Variants in DNTTIP1 observed in about 807,000 individuals in gnomAD.
The protein encoded by DNTTIP1 is deoxynucleotidyltransferase terminal interacting protein 1, also known as deoxynucleotidyltransferase terminal-interacting protein 1.
A neutral mutation model predicts 52.9 loss-of-function variants in DNTTIP1; 22 were observed. The ratio of observed to expected loss-of-function variants is 0.42; its 90% CI spans 0.30 to 0.59. DNTTIP1 has a LOEUF of 0.59. DNTTIP1 is among the 20% of genes least tolerant of loss of function. The pLI is 0.22. For synonymous variants in DNTTIP1, 136 were observed against 155.1 expected, an observed-to-expected ratio of 0.88 and a Z score of 0.92; for missense variants, 286 against 435.5, an observed-to-expected ratio of 0.66 and a Z score of 3.06.
chr20:45,801,858 G>C (rs2145702392), intron 6 of DNTTIP1, 141 bp from the exon 7 acceptor site: 1 of 868,486 alleles, frequency 1.2e-6, no homozygotes, highest in South Asian at 1.4e-5. Flanking sequence ...CTAGACATGA[G>C]AGGCAGTTTT....
At chr20:45,793,288 C>T (rs1488144187) in intron 2 of DNTTIP1, among the ~76,000 whole-genome samples, 3 of 152,040 alleles carry the variant, frequency 2.0e-5, no homozygotes, top group East Asian at 1.9e-4. Flanking sequence ...TTGGGCCGGG[C>T]GCGGTGGCTC....
At position 45,809,674 on chromosome 20, in the gene DNTTIP1, TC is replaced by T. The variant is rs1361542898; in HGVS notation, c.795+490del. Among the ~76,000 whole-genome samples, 1 of 152,240 alleles carries T rather than the reference TC, an allele frequency of 6.6e-6. No homozygotes were observed. The highest frequency in any genetic ancestry group is 1.5e-5 in the Non-Finnish European group (1 of 68,052). On this transcript the variant is annotated intron_variant, in intron 11 of 12. Coordinates refer to ENST00000372622, the MANE Select transcript of DNTTIP1 (RefSeq NM_052951.3). This position sits in a 1 kb window ranked among gnomAD's most constrained non-coding sequence, Gnocchi z 4.2. ...TACCTCTACTTGAAGAGTTCTCAGA[TC>T]ATATGAAACAGCAACCTTAGGAAAA... is the stretch of plus-strand genomic sequence containing the variant.
intron 10 of DNTTIP1, 108 bp downstream of exon 10, chr20:45,805,474 C>T (rs1164832889): frequency 4.8e-6 from 6 of 1,256,458 alleles, no homozygotes; most frequent in Non-Finnish European, 6.6e-6. Context: ...GTCAGGACAT[C>T]TGGGTTCTAG....
chr20:45,801,699 G>A (rs1029143363), intron 6 of DNTTIP1, among the ~76,000 whole-genome samples: 1 of 152,100 alleles, frequency 6.6e-6, no homozygotes, highest in Non-Finnish European at 1.5e-5. Flanking sequence ...GCAGTGGGAG[G>A]ATCACCTGAG....
In DNTTIP1 at chr20:45,801,552, C is replaced by G. The variant is rs536630727; in HGVS notation, c.498+94C>G. ...CCTGTAATCCCAACACTTTGGGAGG[C>G]CAAGCGGGGAGGATCACTTGAGCTC... On this transcript the variant is annotated intron_variant, in intron 6 of 12. Transcript: ENST00000372622. 23 of 1,322,346 alleles carry G rather than the reference C, an allele frequency of 1.7e-5. No individual in the cohort carries two copies. In the African/African-American group the frequency reaches 2.6e-4, roughly 15 times the overall value. The allele number at this position is 1,322,346 out of a possible 1,614,324, so 81.9% of individuals were successfully genotyped here. A position where few individuals can be genotyped will look rare whatever the true frequency, so the allele number is the denominator to read the frequency against.
chr20:45,796,382 C>T lies in DNTTIP1; in HGVS notation c.372+939C>T, dbSNP rs550328280. 1.5e-4 allele frequency: 56 copies of T among 366,998 alleles called. No individual in the cohort carries two copies. The Admixed American group carries it at 2.1e-3, about 14-fold the overall frequency. 22.7% of individuals were successfully genotyped at this position (366,998 alleles called of 1,614,324 possible). ...AGAGCTAGAAAAAAATTTTTAAAAGCAAAGCAAAAAAAAAAAAAGAAATGG... is the reference window on the plus strand; with the variant it reads ...AGAGCTAGAAAAAAATTTTTAAAAGTAAAGCAAAAAAAAAAAAAGAAATGG... On this transcript the variant is annotated intron_variant, in intron 4 of 12. Coordinates refer to ENST00000372622, the MANE Select transcript of DNTTIP1 (RefSeq NM_052951.3).
chr20:45,796,963 G>C (rs922653528), intron 4 of DNTTIP1, among the ~76,000 whole-genome samples: 4 of 152,124 alleles, frequency 2.6e-5, no homozygotes, highest in Non-Finnish European at 5.9e-5. Context: ...CTAACTGTTG[G>C]TGCCTTCCCA....
intron 4 of DNTTIP1, among the ~76,000 whole-genome samples, chr20:45,797,157 G>T (rs994100288): frequency 3.3e-5 from 5 of 152,106 alleles, no homozygotes; most frequent in Admixed American, 2.6e-4. Flanking sequence ...ACTGATCTCC[G>T]TAAAGATGAA....
At chr20:45,801,904 T>G (rs1268738410) in intron 6 of DNTTIP1, 95 bp from the exon 7 acceptor site, 11 of 1,228,106 alleles carry the variant, frequency 9.0e-6, no homozygotes, top group Non-Finnish European at 1.3e-5. Context: ...TTGATCTCTT[T>G]GGAAAACCAT....
chr20:45,801,861 G>A (rs141065268), intron 6 of DNTTIP1, 138 bp from the exon 7 acceptor site: 85 of 884,594 alleles, frequency 9.6e-5, no homozygotes, highest in Non-Finnish European at 1.3e-4. Context: ...GACATGAGAG[G>A]CAGTTTTTCT....
At chr20:45,806,094 G>A (rs59707569) in intron 10 of DNTTIP1, among the ~76,000 whole-genome samples, 8,687 of 146,298 alleles carry the variant, frequency 0.059, 619 homozygotes, top group African/African-American at 0.17. Flanking sequence ...AGTGGCTCAC[G>A]CCTGTAATCC....
At chr20:45,796,048 CAG>C (rs147907631) in intron 4 of DNTTIP1, among the ~76,000 whole-genome samples, 6 of 152,044 alleles carry the variant, frequency 3.9e-5, no homozygotes, top group Non-Finnish European at 7.4e-5. Context: ...CTCATAGAAG[CAG>C]AGAGTAGAAT....
At position 45,794,036 on chromosome 20, in the gene DNTTIP1, A is replaced by G. The variant is rs1981144126; in HGVS notation, c.273+19A>G. The G allele has an allele frequency of 6.6e-7, 1 of 1,521,570 alleles. No homozygotes were observed. Among genetic ancestry groups the G allele is most frequent in the Non-Finnish European group, 9.0e-7 (1 of 1,114,328 alleles). The allele number at this position is 1,521,570 out of a possible 1,614,324, so 94.3% of individuals were successfully genotyped here. ...CATGAAGGTGAGAGGGACACAGGAT[A>G]AAAAATAACAGGAGAAAGACTCATG... is the stretch of plus-strand genomic sequence containing the variant. On this transcript the variant is annotated intron_variant, in intron 3 of 12. Coordinates refer to ENST00000372622, the MANE Select transcript of DNTTIP1 (RefSeq NM_052951.3).
chr20:45,800,118 T>C (rs147128349), intron 4 of DNTTIP1, among the ~76,000 whole-genome samples: 1,917 of 145,270 alleles, frequency 0.013, 47 homozygotes, highest in African/African-American at 0.046. Context: ...AGATTCCATG[T>C]CAAAAAAAAA....
chr20:45,792,892 C>A, intron 2 of DNTTIP1, 145 bp downstream of exon 2: 1 of 668,994 alleles, frequency 1.5e-6, no homozygotes, highest in South Asian at 2.3e-5. Flanking sequence ...TTCTGTAACT[C>A]TGTGTGATCT....
intron 4 of DNTTIP1, among the ~76,000 whole-genome samples, chr20:45,797,538 A>G (rs2145699243): frequency 6.6e-6 from 1 of 152,358 alleles, no homozygotes; most frequent in East Asian, 1.9e-4. Flanking sequence ...ATCAGAGTGA[A>G]CAGGCAACCT....
intron 4 of DNTTIP1, among the ~76,000 whole-genome samples, chr20:45,800,782 T>C (rs970571119): frequency 2.2e-4 from 30 of 134,374 alleles, no homozygotes; most frequent in African/African-American, 8.7e-4. Flanking sequence ...TCACTTGAGG[T>C]CAGGAGTTCA....
chr20:45,794,708 T>C (rs1981174127), intron 3 of DNTTIP1, among the ~76,000 whole-genome samples: 1 of 150,828 alleles, frequency 6.6e-6, no homozygotes, highest in African/African-American at 2.4e-5. Flanking sequence ...CCCCAGCACT[T>C]TGGGAGGCCG....
intron 8 of DNTTIP1, among the ~76,000 whole-genome samples, chr20:45,804,035 T>G (rs1981558574): frequency 6.6e-6 from 1 of 152,228 alleles, no homozygotes; most frequent in Non-Finnish European, 1.5e-5. Context: ...CTCTGGATAA[T>G]CTAAAACATA....
Sources: gnomAD v4.1 joint callset for allele counts (sites outside exome capture counted in the v4.1 genomes callset) on GRCh38, gnomAD v4.1.1 for gene constraint, Gnocchi (gnomAD v3.1) non-coding constraint, MANE v1.5 for transcripts, NCBI Gene and HGNC (gene_info 2026-07-23, HGNC 2026-07-21) for gene names.